RASGEF1C: variants seen among roughly 807,000 people sequenced by gnomAD.
The protein encoded by RASGEF1C is RasGEF domain family member 1C, also known as ras-GEF domain-containing family member 1C.
A neutral mutation model predicts 58.1 loss-of-function variants in RASGEF1C; 27 were observed. The observed-to-expected ratio is 0.46, with a 90% confidence interval of 0.34 to 0.64. RASGEF1C has a LOEUF of 0.64. Ranked by LOEUF, RASGEF1C falls within the 30% of genes least tolerant of loss-of-function variation. RASGEF1C has a pLI of 0.01. For synonymous variants in RASGEF1C, 243 were observed against 246.3 expected (o/e 0.99, Z 0.13); for missense variants, 502 against 605.1 (o/e 0.83, Z 1.79).
rs1491426341 is a variant in RASGEF1C, at chr5:180,115,289, TTA to T, written c.1084-750_1084-749del. 712 of 394,392 alleles carry T rather than the reference TTA, an allele frequency of 1.8e-3. 1 individual carries two copies. The highest frequency in any genetic ancestry group is 4.0e-3 in the East Asian group (49 of 12,268). 24.4% of individuals were successfully genotyped at this position (394,392 alleles called of 1,614,324 possible). ...TCGGCCTCCCAAGGTGGCCTCCTTT[TTA>T]AAAAAAAAAAAAAAAATTTAACAAT... On this transcript the variant is annotated intron_variant, in intron 10 of 13. Coordinates refer to ENST00000361132, the MANE Select transcript of RASGEF1C (RefSeq NM_175062.4).
chr5:180,104,398 G>T (rs1237440973), intron 12 of RASGEF1C, among the ~76,000 whole-genome samples: 2 of 152,170 alleles, frequency 1.3e-5, no homozygotes, highest in Non-Finnish European at 1.5e-5. Context: ...CTTCTGCCAT[G>T]CGAGGACACA....
chr5:180,101,524 A>T lies in RASGEF1C; in HGVS notation c.1378T>A (p.Ser460Thr), dbSNP rs1034837398. The T allele has an allele frequency of 6.2e-7, 1 of 1,612,406 alleles. No individual in the cohort carries two copies. The highest frequency in any genetic ancestry group is 8.5e-7 in the Non-Finnish European group (1 of 1,179,916). ...TEKERWKALR[S>T]SILGKT ...TTTCATGTCTTCCCCAAAATAGAAG[A>T]TCTGCAGATTTAAGCATGTCGGGAG... Residue 460 changes from serine (S) to threonine (T), a missense_variant and splice_region_variant, in exon 14 of 14, where the codon TCT (serine) becomes ACT (threonine). Coordinates refer to ENST00000361132, the MANE Select transcript of RASGEF1C (RefSeq NM_175062.4).
At chr5:180,205,943 C>G (rs576212412) in intron 1 of RASGEF1C, among the ~76,000 whole-genome samples, 1 of 152,238 alleles carries the variant, frequency 6.6e-6, no homozygotes, top group East Asian at 1.9e-4. Flanking sequence ...CCATGTTGGC[C>G]AGGCTGGTTT....
intron 6 of RASGEF1C, 108 bp downstream of exon 6, chr5:180,127,501 A>C: frequency 9.0e-7 from 1 of 1,109,424 alleles, no homozygotes; most frequent in South Asian, 1.7e-5. Flanking sequence ...CACCTGTCCC[A>C]CTCTGGGCCA....
intron 1 of RASGEF1C, chr5:180,138,318 C>G: frequency 1.1e-5 from 4 of 361,344 alleles, no homozygotes; most frequent in Non-Finnish European, 1.5e-5. Flanking sequence ...TTGCCCCACT[C>G]AGGGGCAGGC....
chr5:180,104,299 G>T (rs1765842040), intron 12 of RASGEF1C, among the ~76,000 whole-genome samples: 1 of 152,190 alleles, frequency 6.6e-6, no homozygotes, highest in Non-Finnish European at 1.5e-5. Context: ...CACCCTCATG[G>T]ATGGGATTAG....
chr5:180,152,525 G>C (rs934145353), intron 1 of RASGEF1C, among the ~76,000 whole-genome samples: 23 of 133,152 alleles, frequency 1.7e-4, no homozygotes, highest in East Asian at 1.6e-3. Flanking sequence ...AGAACACATG[G>C]ACACAGGAAG....
intron 1 of RASGEF1C, among the ~76,000 whole-genome samples, chr5:180,189,923 C>CAAAAAAAAAAAAAA: frequency 2.7e-5 from 1 of 37,202 alleles, no homozygotes; most frequent in Non-Finnish European, 4.6e-5. Flanking sequence ...AACTCCATCT[C>CAAAAAAAAAAAAAA]AAAAAAAAAA....
At chr5:180,199,431 A>G (rs895931040) in intron 1 of RASGEF1C, among the ~76,000 whole-genome samples, 3 of 152,138 alleles carry the variant, frequency 2.0e-5, no homozygotes, top group African/African-American at 7.2e-5. Context: ...AACTAAACAA[A>G]CAACTAAACA....
At position 180,146,588 on chromosome 5, in the gene RASGEF1C, T is replaced by C. The variant is rs1426493586; in HGVS notation, c.-6-8530A>G. ...TCAATTGAAATGATCATGTGTTTTT[T>C]CCTTCATCATGTTAATCTATTGTAT... On this transcript the variant is annotated intron_variant, in intron 1 of 13. Coordinates refer to ENST00000361132, the MANE Select transcript of RASGEF1C (RefSeq NM_175062.4). Among the ~76,000 whole-genome samples, 3 of 152,230 alleles carry C rather than the reference T, an allele frequency of 2.0e-5. No individual in the cohort carries two copies. In the East Asian group the frequency reaches 5.8e-4, roughly 29 times the overall value.
chr5:180,174,646 G>A (rs373120516), intron 1 of RASGEF1C, among the ~76,000 whole-genome samples: 3 of 152,072 alleles, frequency 2.0e-5, no homozygotes, highest in East Asian at 3.9e-4. Flanking sequence ...GTGCGTGCAT[G>A]TGTGTGTGGG....
Position 180,138,004 on chromosome 5 carries a change from T to A in RASGEF1C, c.49A>T (p.Ser17Cys). ...TCTGTGGGCTCGGTGGGGGGTGGGC[T>A]GAGGCTGCCTGGGGTGACCATGTCG... ...ASDMVTPGSL[S>C]PPPTEPTDGE... is the part of the protein sequence containing the mutation. The change falls in exon 2 of 14, where the codon AGC becomes TGC. Residue 17 changes from serine (S) to cysteine (C), a missense_variant. Ser to Cys is a moderately radical substitution (Grantham distance 112). Transcript: ENST00000361132. 6.4e-7 allele frequency: 1 copy of A among 1,572,028 alleles called. No individual in the cohort carries two copies. The highest frequency in any genetic ancestry group is 2.0e-5 in the Admixed American group (1 of 49,076).
chr5:180,102,761 G>A (rs890985359), intron 12 of RASGEF1C, among the ~76,000 whole-genome samples: 1 of 151,956 alleles, frequency 6.6e-6, no homozygotes, highest in Admixed American at 6.6e-5. Context: ...TGATTCATGC[G>A]TCCATCCCTC....
chr5:180,115,870 G>T (rs1260506874), intron 10 of RASGEF1C, among the ~76,000 whole-genome samples: 5 of 152,132 alleles, frequency 3.3e-5, no homozygotes, highest in African/African-American at 1.2e-4. Flanking sequence ...CAGTGGTGGG[G>T]GGGGATTGTG....
At chr5:180,153,877 A>G (rs1766807606) in intron 1 of RASGEF1C, among the ~76,000 whole-genome samples, 1 of 152,146 alleles carries the variant, frequency 6.6e-6, no homozygotes, top group Admixed American at 6.5e-5. Context: ...TGTGCTCTGG[A>G]AACAGAGCTG....
At position 180,101,110 on chromosome 5, in the gene RASGEF1C, T is replaced by A. The variant is rs1325185232; in HGVS notation, c.*391A>T. ...TGGCTCCAGAAGTTCCCAAGCCACG[T>A]GGTGACAGACTGTGGGTGGTGGCCA... On this transcript the variant is annotated 3_prime_UTR_variant, in exon 14 of 14. Transcript: ENST00000361132. The A allele has an allele frequency of 9.3e-6, 2 of 215,624 alleles. No homozygotes were observed. The highest frequency in any genetic ancestry group is 1.8e-5 in the Non-Finnish European group (2 of 108,696). The allele number at this position is 215,624 out of a possible 1,614,324, so 13.4% of individuals were successfully genotyped here. A position where few individuals can be genotyped will look rare whatever the true frequency, so the allele number is the denominator to read the frequency against.
intron 4 of RASGEF1C, chr5:180,135,087 G>C (rs897949756): frequency 1.2e-4 from 15 of 122,548 alleles, no homozygotes; most frequent in African/African-American, 4.1e-4. Flanking sequence ...GCCCTGTTCT[G>C]TGCTGCATCC....
At chr5:180,191,083 A>C (rs1225957067) in intron 1 of RASGEF1C, among the ~76,000 whole-genome samples, 2 of 152,236 alleles carry the variant, frequency 1.3e-5, no homozygotes, top group East Asian at 3.8e-4. Context: ...AATCGAAATC[A>C]CAATGAGATA....
intron 1 of RASGEF1C, among the ~76,000 whole-genome samples, chr5:180,169,698 G>C (rs966137239): frequency 1.3e-5 from 2 of 152,050 alleles, no homozygotes; most frequent in Non-Finnish European, 2.9e-5. Context: ...CCAGCACAGC[G>C]TGGGGACTTG....
Sources: gnomAD v4.1 joint callset for allele counts (sites outside exome capture counted in the v4.1 genomes callset) on GRCh38, gnomAD v4.1.1 for gene constraint, MANE v1.5 for transcripts, NCBI Gene and HGNC (gene_info 2026-07-23, HGNC 2026-07-21) for gene names.